OPRK1: variants seen among roughly 807,000 people sequenced by gnomAD.
The protein encoded by OPRK1 is kappa-type opioid receptor.
In OPRK1, 15 loss-of-function variants were observed where a neutral mutation model predicts 24.5. That is an observed-to-expected ratio of 0.61 (90% CI 0.41 to 0.94). The LOEUF is 0.94. Among genes scored for constraint, OPRK1 ranks in the 40% least tolerant of loss-of-function variants. The pLI is 0.00. For missense variants in OPRK1, 479 were observed against 507.3 expected (o/e 0.94, Z 0.54); for synonymous variants, 205 against 198.0 (o/e 1.04, Z -0.30).
At chr8:53,249,248 CT>C (rs768507792) in intron 2 of OPRK1, among the ~76,000 whole-genome samples, 31 of 152,028 alleles carry the variant, frequency 2.0e-4, no homozygotes, top group Non-Finnish European at 4.0e-4. Context: ...TTTCCTAGAG[CT>C]TTCTTTTGCT....
At chr8:53,243,584 G>A (rs962208660) in intron 2 of OPRK1, among the ~76,000 whole-genome samples, 24 of 152,152 alleles carry the variant, frequency 1.6e-4, no homozygotes, top group African/African-American at 5.8e-4. Flanking sequence ...ACAGTTCCAC[G>A]AGACTTTGGC....
chr8:53,241,580 AGGAAAGGAAAAT>A (rs1410080172), intron 2 of OPRK1, among the ~76,000 whole-genome samples: 1 of 152,116 alleles, frequency 6.6e-6, no homozygotes, highest in Non-Finnish European at 1.5e-5. Flanking sequence ...GAAAAATGGA[AGGAAAGGAAAAT>A]GGAAAGGAAA....
chr8:53,231,410 CTTAGCTTTTATTTTCAGCA>C (rs2128807919), intron 3 of OPRK1, among the ~76,000 whole-genome samples: 1 of 152,126 alleles, frequency 6.6e-6, no homozygotes, highest in East Asian at 1.9e-4. Flanking sequence ...TTTTTTTCTG[CTTAGCTTTTATTTTCAGCA>C]TTAGTTGTTT....
At chr8:53,250,101 A>ACACACACACACACAC (rs201404901) in intron 2 of OPRK1, among the ~76,000 whole-genome samples, 1 of 151,464 alleles carries the variant, frequency 6.6e-6, no homozygotes, top group African/African-American at 2.4e-5. Flanking sequence ...ACACACACAC[A>ACACACACACACACAC]AATAAAACCT....
chr8:53,246,504 C>G (rs776847531), intron 2 of OPRK1, among the ~76,000 whole-genome samples: 2 of 152,138 alleles, frequency 1.3e-5, no homozygotes, highest in South Asian at 2.1e-4. Flanking sequence ...TGTAAGATGA[C>G]AGATGCTTGG....
intron 2 of OPRK1, among the ~76,000 whole-genome samples, chr8:53,243,980 A>G (rs1406628777): frequency 2.0e-5 from 3 of 152,166 alleles, no homozygotes; most frequent in Non-Finnish European, 2.9e-5. Context: ...GTTGACACTT[A>G]GGAGAATGTG....
chr8:53,240,710 A>C (rs1807093015), intron 2 of OPRK1, among the ~76,000 whole-genome samples: 1 of 152,032 alleles, frequency 6.6e-6, no homozygotes, highest in African/African-American at 2.4e-5. Context: ...GGGCTGGTCA[A>C]AGGATACAAA....
intron 2 of OPRK1, among the ~76,000 whole-genome samples, chr8:53,242,361 T>C (rs1327170073): frequency 6.6e-6 from 1 of 152,210 alleles, no homozygotes; most frequent in African/African-American, 2.4e-5. Flanking sequence ...ATTAAACCTC[T>C]GTAGTTGATT....
chr8:53,238,697 T>C (rs926574776), intron 2 of OPRK1: 30 of 985,314 alleles, frequency 3.0e-5, no homozygotes, highest in Non-Finnish European at 3.5e-5. Flanking sequence ...GGTGCTTGTG[T>C]GATGGTGAGG....
chr8:53,250,672 A>T, intron 2 of OPRK1, 109 bp downstream of exon 2: 1 of 1,160,900 alleles, frequency 8.6e-7, no homozygotes, highest in Non-Finnish European at 1.2e-6. Flanking sequence ...TTCACGGAAC[A>T]GAGTCCCCAC....
intron 2 of OPRK1, among the ~76,000 whole-genome samples, chr8:53,245,195 G>A (rs1585521554): frequency 6.6e-6 from 1 of 152,224 alleles, no homozygotes; most frequent in Non-Finnish European, 1.5e-5. Context: ...GATATGGAAT[G>A]AGGGCTGACT....
chr8:53,227,673 G>T lies in OPRK1; in HGVS notation c.*1624C>A, dbSNP rs944424204. The T allele has an allele frequency of 1.3e-5, 2 of 151,828 alleles. No homozygotes were observed. The highest frequency in any genetic ancestry group is 3.9e-4 in the East Asian group (2 of 5,150). 9.4% of individuals were successfully genotyped at this position (151,828 alleles called of 1,614,324 possible). On this transcript the variant is annotated 3_prime_UTR_variant, in exon 4 of 4. Coordinates refer to ENST00000265572, the MANE Select transcript of OPRK1 (RefSeq NM_000912.5). ...CTGTGTTAGGTGCCATGATAATCTG[G>T]AGTAGAGGCAAACATGGTCAGAGTA...
At position 53,226,569 on chromosome 8, in the gene OPRK1, T is replaced by C. The variant is rs781755875; in HGVS notation, c.*2728A>G. ...AATAGGAACATCAAGAAATGAGAGA[T>C]ATCAGAGAGCCAGAGGGGTTTGGAC... On this transcript the variant is annotated 3_prime_UTR_variant, in exon 4 of 4. Transcript: ENST00000265572. 9.3e-6 allele frequency: 1 copy of C among 106,952 alleles called. No individual in the cohort carries two copies. Among genetic ancestry groups the C allele is most frequent in the African/African-American group, 5.1e-5 (1 of 19,752 alleles). The allele number at this position is 106,952 out of a possible 1,614,324, so 6.6% of individuals were successfully genotyped here.
chr8:53,230,018 T>G (rs1806815400), intron 3 of OPRK1, among the ~76,000 whole-genome samples, 189 bp from the exon 4 acceptor site: 1 of 151,954 alleles, frequency 6.6e-6, no homozygotes, highest in Non-Finnish European at 1.5e-5. Flanking sequence ...CTAATCTTTG[T>G]GCATGGAACA....
chr8:53,244,704 GA>G (rs1554519856), intron 2 of OPRK1, among the ~76,000 whole-genome samples: 1 of 152,188 alleles, frequency 6.6e-6, no homozygotes, highest in Non-Finnish European at 1.5e-5. Context: ...AGAAATAAAT[GA>G]AAAGAGAACA....
chr8:53,229,837 A>C lies in OPRK1; in HGVS notation c.611-8T>G. On this transcript the variant is annotated splice_region_variant and splice_polypyrimidine_tract_variant and intron_variant, in intron 3 of 3. Transcript: ENST00000265572. ...ACTCAATGACATCGACGTCTGGAGG[A>C]GGGCAATAAAAACCACAACACAGAA... 6.5e-7 allele frequency: 1 copy of C among 1,532,882 alleles called. No homozygotes were observed. Among genetic ancestry groups the C allele is most frequent in the Non-Finnish European group, 8.8e-7 (1 of 1,141,890 alleles). The allele number at this position is 1,532,882 out of a possible 1,614,324, so 95.0% of individuals were successfully genotyped here.
intron 2 of OPRK1, among the ~76,000 whole-genome samples, chr8:53,241,363 A>C (rs62505382): frequency 0.063 from 9,510 of 152,108 alleles, 319 homozygotes; most frequent in Middle Eastern, 0.14. Flanking sequence ...TTTACTATTG[A>C]AATTGTAGGG....
intron 2 of OPRK1, among the ~76,000 whole-genome samples, chr8:53,246,094 A>G (rs148248698): frequency 5.3e-5 from 8 of 152,336 alleles, no homozygotes; most frequent in Non-Finnish European, 1.2e-4. Context: ...AAGAGAGCTG[A>G]GAAGGCTCTG....
intron 2 of OPRK1, among the ~76,000 whole-genome samples, chr8:53,245,293 T>A (rs74950167): frequency 0.19 from 28,224 of 152,086 alleles, 2,953 homozygotes; most frequent in African/African-American, 0.25. Flanking sequence ...GGTGTCCTCA[T>A]AAGAAGAAGA....
Sources: gnomAD v4.1 joint callset for allele counts (sites outside exome capture counted in the v4.1 genomes callset) on GRCh38, gnomAD v4.1.1 for gene constraint, MANE v1.5 for transcripts, NCBI Gene and HGNC (gene_info 2026-07-23, HGNC 2026-07-21) for gene names.